The following KCTD16 variants were observed in gnomAD, a reference collection of about 807,000 sequenced individuals.
KCTD16 encodes potassium channel tetramerization domain containing 16.
A neutral mutation model predicts 33.2 loss-of-function variants in KCTD16; 13 were observed. The ratio of observed to expected loss-of-function variants is 0.39; its 90% confidence interval spans 0.25 to 0.62. The LOEUF (loss-of-function observed/expected upper bound fraction) is 0.62, where lower values mean the gene tolerates loss of function less well. KCTD16 is among the 20% of genes least tolerant of loss of function. KCTD16 has a pLI of 0.50. For synonymous variants in KCTD16, 197 were observed against 195.3 expected, an observed-to-expected ratio of 1.01 and a Z score of -0.07; for missense variants, 441 against 525.1, an observed-to-expected ratio of 0.84 and a Z score of 1.57.
intron 3 of KCTD16, among the ~76,000 whole-genome samples, chr5:144,429,887 C>T (rs1387527131): frequency 6.6e-6 from 1 of 150,450 alleles, no homozygotes; most frequent in Admixed American, 6.6e-5. Flanking sequence ...AATCTAAAGA[C>T]CAAAGCAAAA....
intron 3 of KCTD16, among the ~76,000 whole-genome samples, chr5:144,322,530 A>G (rs1405527159): frequency 6.6e-6 from 1 of 151,906 alleles, no homozygotes. Context: ...AACAAAAAAA[A>G]CAAAACAGGG....
chr5:144,467,101 TA>T (rs1754364196), intron 3 of KCTD16, among the ~76,000 whole-genome samples: 2 of 141,248 alleles, frequency 1.4e-5, no homozygotes. Context: ...ATATTATATA[TA>T]ATATATATAA....
chr5:144,240,256 T>G (rs1561539893), intron 3 of KCTD16, among the ~76,000 whole-genome samples: 1 of 152,180 alleles, frequency 6.6e-6, no homozygotes, highest in South Asian at 2.1e-4. Context: ...ATCTGGAATC[T>G]CCTGAGGAAT....
chr5:144,379,219 C>T (rs1561586419), intron 3 of KCTD16, among the ~76,000 whole-genome samples: 1 of 152,180 alleles, frequency 6.6e-6, no homozygotes, highest in Non-Finnish European at 1.5e-5. Flanking sequence ...TTTGGCCTAA[C>T]TCCCCACATG....
chr5:144,271,951 G>A (rs565678336), intron 3 of KCTD16, among the ~76,000 whole-genome samples: 7 of 151,968 alleles, frequency 4.6e-5, no homozygotes, highest in East Asian at 3.9e-4. Context: ...AGGAATCAAC[G>A]TAACCAATGA....
chr5:144,428,093 C>A (rs751272816), intron 3 of KCTD16, among the ~76,000 whole-genome samples: 1 of 152,130 alleles, frequency 6.6e-6, no homozygotes, highest in Non-Finnish European at 1.5e-5. Flanking sequence ...TAGAGTCCTT[C>A]TCCCTTTGTT....
chr5:144,352,978 C>T (rs1463621358), intron 3 of KCTD16, among the ~76,000 whole-genome samples: 1 of 152,182 alleles, frequency 6.6e-6, no homozygotes, highest in African/African-American at 2.4e-5. Context: ...GTTCATTCCA[C>T]TCAGCTTCTA....
At chr5:144,368,518 G>T (rs536692962) in intron 3 of KCTD16, among the ~76,000 whole-genome samples, 1 of 152,304 alleles carries the variant, frequency 6.6e-6, no homozygotes, top group African/African-American at 2.4e-5. Context: ...GTAGCCACAA[G>T]AAGTAGAATT....
intron 3 of KCTD16, among the ~76,000 whole-genome samples, chr5:144,334,639 A>G (rs887102329): frequency 2.0e-5 from 3 of 152,184 alleles, no homozygotes; most frequent in Admixed American, 6.5e-5. Flanking sequence ...TGCTATGGAA[A>G]TTAATATTTT....
chr5:144,199,321 C>G (rs1268036024), intron 2 of KCTD16, among the ~76,000 whole-genome samples: 3 of 152,156 alleles, frequency 2.0e-5, no homozygotes, highest in African/African-American at 7.2e-5. Flanking sequence ...TTACATAGTA[C>G]ATAGAGCAGA....
At chr5:144,171,697 G>A (rs1752387740) in intron 1 of KCTD16, among the ~76,000 whole-genome samples, 1 of 152,170 alleles carries the variant, frequency 6.6e-6, no homozygotes, top group South Asian at 2.1e-4. Context: ...TCTTCTAAGT[G>A]GAACCTGAGT....
At chr5:144,218,019 C>T (rs1188138626) in intron 3 of KCTD16, among the ~76,000 whole-genome samples, 1 of 152,192 alleles carries the variant, frequency 6.6e-6, no homozygotes, top group Admixed American at 6.5e-5. Context: ...CCTGACCTTG[C>T]TGTGCCCTTT....
chr5:144,412,802 C>A (rs1752962066), intron 3 of KCTD16, among the ~76,000 whole-genome samples: 1 of 152,276 alleles, frequency 6.6e-6, no homozygotes, highest in South Asian at 2.1e-4. Context: ...ACGAGAGTCG[C>A]TTGAACCTGG....
At chr5:144,344,714 G>A (rs555776579) in intron 3 of KCTD16, among the ~76,000 whole-genome samples, 148 of 150,460 alleles carry the variant, frequency 9.8e-4, no homozygotes, top group Non-Finnish European at 1.8e-3. Context: ...AACAGGTGCT[G>A]GAGAGGATGT....
chr5:144,296,796 A>G (rs1432417748), intron 3 of KCTD16, among the ~76,000 whole-genome samples: 3 of 152,196 alleles, frequency 2.0e-5, no homozygotes, highest in African/African-American at 7.2e-5. Flanking sequence ...TCATTTTTCA[A>G]TTACTAACTT....
intron 3 of KCTD16, among the ~76,000 whole-genome samples, chr5:144,319,622 C>T (rs1482278450): frequency 1.3e-5 from 2 of 152,170 alleles, no homozygotes. Flanking sequence ...GTCTTCTCAT[C>T]AAGAACTTTT....
intron 3 of KCTD16, among the ~76,000 whole-genome samples, chr5:144,219,165 T>C (rs1753655604): frequency 6.6e-6 from 1 of 152,216 alleles, no homozygotes; most frequent in Non-Finnish European, 1.5e-5. Context: ...TTGTTAGCTT[T>C]GTTTTCATCA....
intron 3 of KCTD16, among the ~76,000 whole-genome samples, chr5:144,417,519 T>C (rs1305040497): frequency 4.6e-5 from 7 of 152,184 alleles, no homozygotes; most frequent in African/African-American, 1.7e-4. Context: ...CAAAAAATTA[T>C]CAGATAGATG....
chr5:144,268,855 C>T (rs536559385), intron 3 of KCTD16, among the ~76,000 whole-genome samples: 1 of 152,026 alleles, frequency 6.6e-6, no homozygotes, highest in African/African-American at 2.4e-5. Flanking sequence ...CTCAAGAAAA[C>T]AATGTATGAA....
Sources: allele counts gnomAD v4.1 joint callset (sites outside exome capture counted in the v4.1 genomes callset), GRCh38; gene constraint gnomAD v4.1.1; transcripts MANE v1.5; gene names NCBI Gene and HGNC (gene_info 2026-07-23, HGNC 2026-07-21).